Variants in ZCCHC10 observed in about 807,000 individuals in gnomAD.
The protein encoded by ZCCHC10 is zinc finger CCHC-type containing 10, also known as zinc finger CCHC domain-containing protein 10.
A neutral mutation model predicts 19.5 loss-of-function variants in ZCCHC10; 16 were observed. The observed-to-expected ratio is 0.82, with a 90% confidence interval of 0.56 to 1.25. ZCCHC10 has a LOEUF of 1.25. Among genes scored for constraint, ZCCHC10 ranks in the 50% most tolerant of loss-of-function variants. The pLI, the probability that ZCCHC10 is intolerant of heterozygous loss-of-function variation, is 0.00. For missense variants in ZCCHC10, 197 were observed against 201.0 expected (o/e 0.98, Z 0.12); for synonymous variants, 67 against 72.5 (o/e 0.92, Z 0.38).
chr5:133,019,306 A>C, intron 2 of ZCCHC10: 1 of 207,700 alleles, frequency 4.8e-6, no homozygotes, highest in Non-Finnish European at 1.0e-5. Flanking sequence ...TCACCCCTAA[A>C]AATACTAATT....
chr5:133,022,938 T>C, intron 1 of ZCCHC10, 32 bp from the exon 2 acceptor site: 1 of 526,326 alleles, frequency 1.9e-6, no homozygotes, highest in Non-Finnish European at 3.4e-6. Context: ...AGGACAAAGG[T>C]AAGTCTGACA....
chr5:133,001,563 G>C (rs1762776738), intron 3 of ZCCHC10, among the ~76,000 whole-genome samples: 1 of 151,876 alleles, frequency 6.6e-6, no homozygotes, highest in Non-Finnish European at 1.5e-5. Context: ...CCAGCCTCAA[G>C]CAATCCTCCC....
At chr5:133,022,607 C>T in intron 2 of ZCCHC10, among the ~76,000 whole-genome samples, 1 of 152,078 alleles carries the variant, frequency 6.6e-6, no homozygotes, top group Non-Finnish European at 1.5e-5. Context: ...CGCATGCCAC[C>T]ACATCCAGCT....
At chr5:133,018,502 C>T (rs1316418277) in intron 2 of ZCCHC10, among the ~76,000 whole-genome samples, 4 of 152,030 alleles carry the variant, frequency 2.6e-5, no homozygotes, top group African/African-American at 7.2e-5. Context: ...CAGGTTCAAA[C>T]GATTCTCGTG....
chr5:133,008,979 C>T (rs1304748427), intron 2 of ZCCHC10, among the ~76,000 whole-genome samples: 2 of 151,838 alleles, frequency 1.3e-5, no homozygotes, highest in African/African-American at 2.4e-5. Flanking sequence ...CACCACTGCA[C>T]TTCAACTTGG....
At chr5:133,002,028 C>T (rs1006637342) in intron 3 of ZCCHC10, among the ~76,000 whole-genome samples, 1 of 110,768 alleles carries the variant, frequency 9.0e-6, no homozygotes, top group East Asian at 3.0e-4. Flanking sequence ...AGTGCTGGAT[C>T]TCGGCTCACT....
At chr5:133,010,574 C>T (rs943504913) in intron 2 of ZCCHC10, among the ~76,000 whole-genome samples, 2 of 152,014 alleles carry the variant, frequency 1.3e-5, no homozygotes, top group African/African-American at 2.4e-5. Context: ...TTTGTGGAAC[C>T]TTATATTAGC....
At chr5:133,011,045 G>C (rs1763471139) in intron 2 of ZCCHC10, among the ~76,000 whole-genome samples, 1 of 152,076 alleles carries the variant, frequency 6.6e-6, no homozygotes, top group South Asian at 2.1e-4. Context: ...ACCCACCTTG[G>C]CCTCCCAAAG....
chr5:133,022,960 A>G (rs1764423481), intron 1 of ZCCHC10, 54 bp from the exon 2 acceptor site: 1 of 479,534 alleles, frequency 2.1e-6, no homozygotes, highest in Non-Finnish European at 3.7e-6. Context: ...TTAAGTCCAG[A>G]AAATCAATAC....
intron 2 of ZCCHC10, 23 bp from the exon 3 acceptor site, chr5:133,006,943 C>T (rs369631603): frequency 3.8e-6 from 6 of 1,565,692 alleles, no homozygotes; most frequent in Middle Eastern, 1.7e-4. Context: ...AAACAGAATA[C>T]AAGCCTTAAA....
intron 2 of ZCCHC10, among the ~76,000 whole-genome samples, chr5:133,014,414 C>T (rs949990518): frequency 5.3e-5 from 8 of 152,118 alleles, no homozygotes; most frequent in Non-Finnish European, 1.0e-4. Flanking sequence ...ATCCGCCCAC[C>T]CCAGCCTCCC....
intron 2 of ZCCHC10, among the ~76,000 whole-genome samples, chr5:133,011,737 A>T (rs980292721): frequency 2.6e-5 from 4 of 152,062 alleles, no homozygotes; most frequent in Non-Finnish European, 5.9e-5. Context: ...TCAGTATTAT[A>T]AAATGTCAGT....
At chr5:133,018,317 T>C (rs913140615) in intron 2 of ZCCHC10, among the ~76,000 whole-genome samples, 3 of 152,046 alleles carry the variant, frequency 2.0e-5, no homozygotes, top group African/African-American at 7.2e-5. Flanking sequence ...TTTTTTTTTT[T>C]TTTTAATTAC....
At chr5:133,025,378 C>G (rs1235034709) in intron 1 of ZCCHC10, among the ~76,000 whole-genome samples, 6 of 151,716 alleles carry the variant, frequency 4.0e-5, no homozygotes, top group Non-Finnish European at 8.8e-5. Context: ...GTGGCGGGCG[C>G]CTGTAGTCCC....
At position 133,001,118 on chromosome 5, in the gene ZCCHC10, T is replaced by G. The variant is rs867077954; in HGVS notation, c.270-945A>C. ...AATTACACAATTAGGCCAGGTGCGG[T>G]GGCTCACACCTGTAATCCCAGCAGT... On this transcript the variant is annotated intron_variant, in intron 3 of 4. Transcript: ENST00000509437. Among the ~76,000 whole-genome samples the G allele has an allele frequency of 1.1e-4, 17 of 151,648 alleles. No individual in the cohort carries two copies. The Middle Eastern group carries it at 0.01, about 91-fold the overall frequency.
intron 2 of ZCCHC10, among the ~76,000 whole-genome samples, chr5:133,019,560 G>A (rs1764157880): frequency 2.0e-5 from 3 of 152,130 alleles, no homozygotes; most frequent in South Asian, 4.1e-4. Flanking sequence ...GTTGGCAAAA[G>A]CAGGGAATAG....
At chr5:133,014,994 A>G (rs529275702) in intron 2 of ZCCHC10, among the ~76,000 whole-genome samples, 1 of 152,186 alleles carries the variant, frequency 6.6e-6, no homozygotes, top group South Asian at 2.1e-4. Flanking sequence ...AGGTTAACAT[A>G]AGATTTCAAT....
intron 4 of ZCCHC10, among the ~76,000 whole-genome samples, chr5:132,999,596 TTTA>T (rs569369066): frequency 8.7e-4 from 133 of 152,254 alleles, no homozygotes; most frequent in African/African-American, 3.2e-3. Context: ...AAGACAATTA[TTTA>T]TTGTTTCCAC....
At chr5:133,007,438 G>A (rs1251131231) in intron 2 of ZCCHC10, among the ~76,000 whole-genome samples, 1 of 151,970 alleles carries the variant, frequency 6.6e-6, no homozygotes, top group East Asian at 1.9e-4. Flanking sequence ...AGCTACTCAG[G>A]AGGCTGAGGC....
Sources: gnomAD v4.1 joint callset for allele counts (sites outside exome capture counted in the v4.1 genomes callset) on GRCh38, gnomAD v4.1.1 for gene constraint, MANE v1.5 for transcripts, NCBI Gene and HGNC (gene_info 2026-07-23, HGNC 2026-07-21) for gene names.